The following PLCB4 variants were observed in gnomAD, a reference collection of about 807,000 sequenced individuals.
PLCB4 encodes the protein phospholipase C beta 4.
Under a neutral mutation model 178.8 loss-of-function variants are expected in PLCB4, and 77 were observed. The observed-to-expected ratio is 0.43, with a 90% CI of 0.36 to 0.52. The LOEUF (loss-of-function observed/expected upper bound fraction) is 0.52, where lower values mean the gene tolerates loss of function less well. PLCB4 is among the 20% of genes least tolerant of loss of function. The probability of loss-of-function intolerance (pLI) is 0.00; values close to 1 mark genes in which losing one functional copy is unlikely to be tolerated. For missense variants in PLCB4, 1,024 were observed against 1,453.4 expected (o/e 0.70, Z 4.80); for synonymous variants, 496 against 490.8 (o/e 1.01, Z -0.14).
At chr20:9,123,282 T>C (rs895794153) in intron 2 of PLCB4, among the ~76,000 whole-genome samples, 1 of 152,120 alleles carries the variant, frequency 6.6e-6, no homozygotes, top group Non-Finnish European at 1.5e-5. Flanking sequence ...AAAATCTGTG[T>C]ACTTTGAAAA....
chr20:9,105,070 A>G (rs1427080979), intron 2 of PLCB4, among the ~76,000 whole-genome samples: 1 of 152,142 alleles, frequency 6.6e-6, no homozygotes, highest in Non-Finnish European at 1.5e-5. Context: ...TGAAGATATG[A>G]ATGAAATTAA....
intron 33 of PLCB4, among the ~76,000 whole-genome samples, chr20:9,456,263 C>G (rs2043051508): frequency 6.6e-6 from 1 of 152,256 alleles, no homozygotes; most frequent in East Asian, 1.9e-4. Context: ...TTACTCTTAC[C>G]TACTCAGCTG....
intron 1 of PLCB4, among the ~76,000 whole-genome samples, chr20:9,081,090 T>G (rs1357123262): frequency 6.6e-6 from 1 of 152,226 alleles, no homozygotes; most frequent in Non-Finnish European, 1.5e-5. Context: ...ATTCATGTCT[T>G]CTATTGGCTA....
In PLCB4 at chr20:9,461,599, G is replaced by A. The variant is rs185416661; in HGVS notation, c.3248+1789G>A. 2.6e-5 allele frequency among the ~76,000 whole-genome samples: 4 copies of A among 152,362 alleles called. No individual in the cohort carries two copies. In the East Asian group the frequency reaches 5.8e-4, roughly 22 times the overall value. ...GGTCTTAGCAACCGGCAGACAAGGCGATTCTCTCCTGTGCCTGGCTTGGCA... is the reference window on the plus strand; with the variant it reads ...GGTCTTAGCAACCGGCAGACAAGGCAATTCTCTCCTGTGCCTGGCTTGGCA... On this transcript the variant is annotated intron_variant, in intron 35 of 39. Transcript: ENST00000378473.
chr20:9,165,807 G>A (rs529504550), intron 2 of PLCB4, among the ~76,000 whole-genome samples: 2 of 151,420 alleles, frequency 1.3e-5, no homozygotes, highest in East Asian at 3.9e-4. Flanking sequence ...GTGTGTGTGT[G>A]TGTGTGTGTG....
chr20:9,454,346 T>G (rs1240142598), intron 33 of PLCB4, among the ~76,000 whole-genome samples: 1 of 152,174 alleles, frequency 6.6e-6, no homozygotes, highest in Non-Finnish European at 1.5e-5. Flanking sequence ...TCAGATTACT[T>G]TTTTCCCTTT....
chr20:9,457,519 A>T (rs2043131173), intron 34 of PLCB4, 30 bp downstream of exon 34: 3 of 1,028,732 alleles, frequency 2.9e-6, no homozygotes, highest in Non-Finnish European at 4.6e-6. Context: ...TACAGCAGTG[A>T]CTTGCAGAAG....
intron 2 of PLCB4, among the ~76,000 whole-genome samples, chr20:9,142,265 A>G (rs969880942): frequency 1.3e-5 from 2 of 152,108 alleles, no homozygotes; most frequent in African/African-American, 4.8e-5. Context: ...GTGGATTTTC[A>G]TGTCTGGATT....
intron 1 of PLCB4, among the ~76,000 whole-genome samples, chr20:9,078,008 G>T (rs959859862): frequency 6.6e-6 from 1 of 152,068 alleles, no homozygotes; most frequent in African/African-American, 2.4e-5. Context: ...TTGAGACAGG[G>T]TCTTGCTCCA....
chr20:9,423,615 C>T (rs758716002), intron 27 of PLCB4, 133 bp from the exon 28 acceptor site: 7 of 681,224 alleles, frequency 1.0e-5, no homozygotes, highest in Non-Finnish European at 1.6e-5. Context: ...TTGGGGAATG[C>T]AGATGGATCA....
At chr20:9,148,635 C>A (rs893217613) in intron 2 of PLCB4, among the ~76,000 whole-genome samples, 3 of 152,190 alleles carry the variant, frequency 2.0e-5, no homozygotes, top group Non-Finnish European at 2.9e-5. Context: ...ACAGAAGATA[C>A]AATTGTGAAG....
chr20:9,303,925 A>T (rs777889762), intron 3 of PLCB4, among the ~76,000 whole-genome samples: 2 of 152,098 alleles, frequency 1.3e-5, no homozygotes, highest in Non-Finnish European at 2.9e-5. Flanking sequence ...CTTTAATTAT[A>T]TCCCACTTTT....
At chr20:9,090,225 A>ATATGTGTGTGTG (rs2090614994) in intron 1 of PLCB4, among the ~76,000 whole-genome samples, 2 of 149,418 alleles carry the variant, frequency 1.3e-5, no homozygotes, top group Non-Finnish European at 3.0e-5. Context: ...AATACTATTT[A>ATATGTGTGTGTG]TGTGTGTGTG....
chr20:9,337,224 C>G lies in PLCB4; in HGVS notation c.165+18C>G. On this transcript the variant is annotated intron_variant, in intron 5 of 39. Coordinates refer to ENST00000378473, the MANE Select transcript of PLCB4 (RefSeq NM_001377142.1). ...AAGGCAAGGTATGGCCCAAGAAGAG[C>G]AAGTTGTTCTTTCTGCTTTGTGGTT... The G allele has an allele frequency of 6.3e-7, 1 of 1,576,858 alleles. No individual in the cohort carries two copies. Among genetic ancestry groups the G allele is most frequent in the Non-Finnish European group, 8.7e-7 (1 of 1,146,344 alleles).
intron 1 of PLCB4, among the ~76,000 whole-genome samples, chr20:9,089,669 T>G (rs973207813): frequency 1.3e-5 from 2 of 152,182 alleles, no homozygotes; most frequent in Non-Finnish European, 2.9e-5. Context: ...ATCAGAAATC[T>G]GCTTAATATA....
Position 9,071,487 on chromosome 20 carries a change from T to C in PLCB4, c.-135+2281T>C, listed in dbSNP as rs1322767708. ...CAGGGCTGCTGTGCTGTTTTCCTTG[T>C]GATCACATTAGCATGCTAATTTGTG... On this transcript the variant is annotated intron_variant, in intron 1 of 39. Transcript: ENST00000378473. 2.0e-5 allele frequency among the ~76,000 whole-genome samples: 3 copies of C among 152,300 alleles called. No individual in the cohort carries two copies. The South Asian group carries it at 6.2e-4, about 32-fold the overall frequency.
intron 9 of PLCB4, among the ~76,000 whole-genome samples, chr20:9,365,897 C>T (rs542625400): frequency 3.9e-5 from 6 of 152,110 alleles, no homozygotes; most frequent in South Asian, 4.2e-4. Flanking sequence ...GGGTGTGGAC[C>T]GTGTCTTGAG....
chr20:9,140,546 G>C (rs182372767), intron 2 of PLCB4, among the ~76,000 whole-genome samples: 2 of 151,824 alleles, frequency 1.3e-5, no homozygotes, highest in Middle Eastern at 3.4e-3. Context: ...TTGGAGGGGG[G>C]GCCTGGTGGG....
Position 9,479,280 on chromosome 20 carries a change from A to G in PLCB4, c.*271A>G, listed in dbSNP as rs2076392. On this transcript the variant is annotated 3_prime_UTR_variant, in exon 40 of 40. Transcript: ENST00000378473. ...AATACAACTTAAACATGTTTGCTAT[A>G]AAATACCATCACAAGTAAATGAGCT... The G allele has an allele frequency of 0.082, 35,068 of 428,822 alleles. 2,122 individuals carry two copies. The highest frequency in any genetic ancestry group is 0.29 in the East Asian group (6,884 of 23,720). The allele number at this position is 428,822 out of a possible 1,614,324, so 26.6% of individuals were successfully genotyped here.
Sources: allele counts gnomAD v4.1 joint callset (sites outside exome capture counted in the v4.1 genomes callset), GRCh38; gene constraint gnomAD v4.1.1; transcripts MANE v1.5; gene names NCBI Gene and HGNC (gene_info 2026-07-23, HGNC 2026-07-21).